Variants in CFAP43 observed in about 807,000 individuals in gnomAD.
CFAP43 encodes the protein cilia- and flagella-associated protein 43.
Under a neutral mutation model 218.9 loss-of-function variants are expected in CFAP43, and 155 were observed. The observed-to-expected ratio is 0.71, with a 90% CI of 0.62 to 0.81. The LOEUF is 0.81. Among genes scored for constraint, CFAP43 ranks in the 30% least tolerant of loss-of-function variants. CFAP43 has a pLI of 0.00. For synonymous variants in CFAP43, 645 were observed against 681.3 expected (o/e 0.95, Z 0.83); for missense variants, 1,778 against 1,954.3 (o/e 0.91, Z 1.70).
chr10:104,195,569 T>G (rs1009685378), intron 10 of CFAP43, among the ~76,000 whole-genome samples: 1 of 152,254 alleles, frequency 6.6e-6, no homozygotes, highest in Non-Finnish European at 1.5e-5. Flanking sequence ...ATGTAAAATA[T>G]GATGCTTAGT....
intron 34 of CFAP43, among the ~76,000 whole-genome samples, chr10:104,136,660 C>T (rs2087466597): frequency 6.6e-6 from 1 of 152,158 alleles, no homozygotes; most frequent in African/African-American, 2.4e-5. Context: ...AGCCACCGCA[C>T]ACGGCCTGAT....
At chr10:104,170,206 A>C (rs2089349894) in intron 20 of CFAP43, among the ~76,000 whole-genome samples, 1 of 152,078 alleles carries the variant, frequency 6.6e-6, no homozygotes, top group Non-Finnish European at 1.5e-5. Flanking sequence ...CAAGAAAAAA[A>C]AATAAACAAT....
chr10:104,212,596 CT>C (rs1172183808), intron 4 of CFAP43, among the ~76,000 whole-genome samples: 3 of 152,102 alleles, frequency 2.0e-5, no homozygotes, highest in Non-Finnish European at 4.4e-5. Context: ...TGAGAAATCT[CT>C]TAAACTTTAA....
chr10:104,201,278 C>T (rs912300488), intron 8 of CFAP43, among the ~76,000 whole-genome samples: 25 of 151,644 alleles, frequency 1.6e-4, no homozygotes, highest in African/African-American at 4.6e-4. Context: ...AATATATTTC[C>T]ACTGGTTTTC....
At chr10:104,157,810 A>AGAGAGAGAGAC (rs2088654765) in intron 27 of CFAP43, among the ~76,000 whole-genome samples, 1 of 76,224 alleles carries the variant, frequency 1.3e-5, no homozygotes, top group African/African-American at 5.3e-5. Flanking sequence ...GAGAGAGAGA[A>AGAGAGAGAGAC]TGACTCCTAA....
At chr10:104,186,597 T>C (rs1220198098) in intron 14 of CFAP43, among the ~76,000 whole-genome samples, 2 of 152,168 alleles carry the variant, frequency 1.3e-5, no homozygotes, top group African/African-American at 2.4e-5. Flanking sequence ...ACCAAAATTG[T>C]ATGCAATATC....
At chr10:104,130,332 C>A (rs1490694590) in intron 37 of CFAP43, 27 bp from the exon 38 acceptor site, 9 of 1,589,178 alleles carry the variant, frequency 5.7e-6, no homozygotes, top group African/African-American at 1.4e-5. Context: ...TAAAGGAATT[C>A]GATTATTTAT....
At chr10:104,155,170 C>T (rs375913293) in intron 27 of CFAP43, among the ~76,000 whole-genome samples, 1 of 152,132 alleles carries the variant, frequency 6.6e-6, no homozygotes, top group Admixed American at 6.5e-5. Flanking sequence ...GGCTTTTGTA[C>T]CCCCTTCACC....
intron 34 of CFAP43, among the ~76,000 whole-genome samples, chr10:104,138,106 G>A (rs1472162678): frequency 6.6e-6 from 1 of 152,126 alleles, no homozygotes; most frequent in Middle Eastern, 3.2e-3. Flanking sequence ...TAACTTTATA[G>A]TAAAGAAGCC....
chr10:104,167,742 G>T lies in CFAP43; in HGVS notation c.2692-5C>A. The stretch of plus-strand genomic sequence containing the variant: ...CACACAGGGGATATGAAAACACTTG[G>T]GGAAAAAAACGCAAGACAAAATAAA... On this transcript the variant is annotated splice_region_variant and splice_polypyrimidine_tract_variant and intron_variant, in intron 21 of 37. Coordinates refer to ENST00000357060, the MANE Select transcript of CFAP43 (RefSeq NM_025145.7). 6.3e-7 allele frequency: 1 copy of T among 1,594,232 alleles called. No individual in the cohort carries two copies. Among genetic ancestry groups the T allele is most frequent in the South Asian group, 1.1e-5 (1 of 87,040 alleles).
intron 10 of CFAP43, 54 bp from the exon 11 acceptor site, chr10:104,194,068 G>A (rs545025908): frequency 1.4e-5 from 23 of 1,590,850 alleles, no homozygotes; most frequent in South Asian, 3.3e-5. Flanking sequence ...TCTCCTACAC[G>A]TAAGAATGCT....
At chr10:104,229,499 T>TAAA (rs34183569) in intron 2 of CFAP43, among the ~76,000 whole-genome samples, 38 of 97,800 alleles carry the variant, frequency 3.9e-4, no homozygotes, top group African/African-American at 1.2e-3. Flanking sequence ...GCCAAAAACA[T>TAAA]AAAAAAAAAA....
chr10:104,182,026 G>A (rs1180364618), intron 17 of CFAP43, among the ~76,000 whole-genome samples: 2 of 152,138 alleles, frequency 1.3e-5, no homozygotes, highest in Admixed American at 6.5e-5. Context: ...AGTGAATACT[G>A]TTCTTTAGCT....
At chr10:104,200,567 A>C (rs1447204399) in intron 8 of CFAP43, among the ~76,000 whole-genome samples, 2 of 150,730 alleles carry the variant, frequency 1.3e-5, no homozygotes, top group Non-Finnish European at 2.9e-5. Flanking sequence ...GCTACTCAGA[A>C]GGCTGAGGCA....
In CFAP43 at chr10:104,187,303, C is replaced by G. The variant is rs376617562; in HGVS notation, c.1860+17G>C. ...GATTGCTAAGATAAATGAGAGCACACTTAAGTGTTGACATACTTCTTCAGG... is the reference window on the plus strand; with the variant it reads ...GATTGCTAAGATAAATGAGAGCACAGTTAAGTGTTGACATACTTCTTCAGG... On this transcript the variant is annotated intron_variant, in intron 14 of 37. Transcript: ENST00000357060. 10 of 1,586,008 alleles carry G rather than the reference C, an allele frequency of 6.3e-6. No homozygotes were observed. The highest frequency in any genetic ancestry group is 7.7e-6 in the Non-Finnish European group (9 of 1,169,916).
intron 17 of CFAP43, among the ~76,000 whole-genome samples, chr10:104,181,722 G>T (rs1007516454): frequency 6.6e-6 from 1 of 152,068 alleles, no homozygotes; most frequent in African/African-American, 2.4e-5. Context: ...CCCTCCCATT[G>T]TCTTTGCATG....
chr10:104,192,008 T>G (rs2090240487), intron 12 of CFAP43, among the ~76,000 whole-genome samples, 191 bp downstream of exon 12: 2 of 152,196 alleles, frequency 1.3e-5, no homozygotes, highest in African/African-American at 4.8e-5. Context: ...AGCAGATAAC[T>G]CTAATATTCC....
At chr10:104,149,163 A>T (rs1211727157) in intron 28 of CFAP43, among the ~76,000 whole-genome samples, 2 of 152,200 alleles carry the variant, frequency 1.3e-5, no homozygotes, top group Non-Finnish European at 2.9e-5. Context: ...ATTTCTTGAA[A>T]AATGGCAGCT....
intron 2 of CFAP43, among the ~76,000 whole-genome samples, chr10:104,227,928 C>A (rs2091347620): frequency 6.9e-6 from 1 of 145,856 alleles, no homozygotes. Flanking sequence ...CTCGCTGCAA[C>A]CTCCGCCTCC....
Sources: gnomAD v4.1 joint callset for allele counts (sites outside exome capture counted in the v4.1 genomes callset) on GRCh38, gnomAD v4.1.1 for gene constraint, MANE v1.5 for transcripts, NCBI Gene and HGNC (gene_info 2026-07-23, HGNC 2026-07-21) for gene names.